Variants in MAGI1 observed in about 807,000 individuals in gnomAD.
MAGI1 encodes membrane associated guanylate kinase, WW and PDZ domain containing 1.
A neutral mutation model predicts 139.9 loss-of-function variants in MAGI1; 58 were observed. That is an observed-to-expected ratio of 0.41 (90% CI 0.34 to 0.52). The LOEUF is 0.52. MAGI1 is among the 20% of genes least tolerant of loss of function. The pLI is 0.12. For synonymous variants in MAGI1, 812 were observed against 737.9 expected, an observed-to-expected ratio of 1.10 and a Z score of -1.63; for missense variants, 1,874 against 1,901.6, an observed-to-expected ratio of 0.99 and a Z score of 0.27.
chr3:65,435,164 A>C (rs1330186451), intron 10 of MAGI1, among the ~76,000 whole-genome samples: 1 of 152,152 alleles, frequency 6.6e-6, no homozygotes, highest in East Asian at 1.9e-4. Flanking sequence ...AGTCTATGGC[A>C]ACTTGTTATA....
At chr3:65,682,520 A>T (rs1402749944) in intron 1 of MAGI1, among the ~76,000 whole-genome samples, 1 of 152,220 alleles carries the variant, frequency 6.6e-6, no homozygotes, top group Non-Finnish European at 1.5e-5. Context: ...CAGGCCAAGA[A>T]AGGAGCATTG....
chr3:65,913,467 C>G (rs1306017888), intron 1 of MAGI1, among the ~76,000 whole-genome samples: 1 of 152,056 alleles, frequency 6.6e-6, no homozygotes, highest in East Asian at 1.9e-4. Context: ...GGAGAGGCAA[C>G]CCCAAAGTAT....
intron 1 of MAGI1, among the ~76,000 whole-genome samples, chr3:65,953,833 G>C (rs1423207690): frequency 6.6e-6 from 1 of 152,172 alleles, no homozygotes; most frequent in Non-Finnish European, 1.5e-5. Context: ...CATTTATCTA[G>C]AAAGGCAATG....
At chr3:65,653,793 ACTCT>A (rs1357130996) in intron 1 of MAGI1, among the ~76,000 whole-genome samples, 1 of 151,878 alleles carries the variant, frequency 6.6e-6, no homozygotes, top group African/African-American at 2.4e-5. Flanking sequence ...ACAAAATTTC[ACTCT>A]CTCTTTCTTT....
intron 1 of MAGI1, among the ~76,000 whole-genome samples, chr3:66,010,795 C>T (rs1211491879): frequency 6.6e-6 from 1 of 152,166 alleles, no homozygotes; most frequent in African/African-American, 2.4e-5. Flanking sequence ...CACTCACTAC[C>T]AACTTGGTGT....
chr3:65,905,806 A>T (rs1360536942), intron 1 of MAGI1, among the ~76,000 whole-genome samples: 1 of 152,166 alleles, frequency 6.6e-6, no homozygotes, highest in African/African-American at 2.4e-5. Flanking sequence ...TGAGGACTGC[A>T]CTCTACTCAA....
intron 2 of MAGI1, among the ~76,000 whole-genome samples, chr3:65,567,486 T>C (rs566354871): frequency 1.2e-4 from 18 of 152,278 alleles, no homozygotes; most frequent in Admixed American, 4.6e-4. Context: ...AAAGCATTGA[T>C]GGAAAGCCCT....
intron 1 of MAGI1, among the ~76,000 whole-genome samples, chr3:66,007,620 T>C (rs748244459): frequency 6.6e-6 from 1 of 152,246 alleles, no homozygotes; most frequent in South Asian, 2.1e-4. Flanking sequence ...TCAGTAGGTC[T>C]GTTGCTGATG....
At chr3:65,868,089 C>T (rs1185015662) in intron 1 of MAGI1, among the ~76,000 whole-genome samples, 2 of 152,164 alleles carry the variant, frequency 1.3e-5, no homozygotes, top group Non-Finnish European at 2.9e-5. Context: ...GGCCCTGTTT[C>T]AGGTAGAGAA....
At chr3:65,423,211 C>T (rs1946757352) in intron 12 of MAGI1, among the ~76,000 whole-genome samples, 1 of 152,156 alleles carries the variant, frequency 6.6e-6, no homozygotes, top group African/African-American at 2.4e-5. Context: ...GACATTGTGG[C>T]AGTCAAGCAC....
At chr3:65,682,290 G>A (rs955195465) in intron 1 of MAGI1, among the ~76,000 whole-genome samples, 1 of 152,126 alleles carries the variant, frequency 6.6e-6, no homozygotes, top group African/African-American at 2.4e-5. Context: ...AAGGAAGTGG[G>A]AGGAATCACT....
At position 65,420,381 on chromosome 3, in the gene MAGI1, GC is replaced by G. The variant is rs754502104; in HGVS notation, c.2167+9138del. 1.4e-3 allele frequency among the ~76,000 whole-genome samples: 220 copies of G among 152,056 alleles called. 1 individual carries two copies. The highest frequency in any genetic ancestry group is 6.0e-4 in the Non-Finnish European group (41 of 67,990). ...CAAGTTTCACCTCTAATCTACAAGA[GC>G]CCCCTCACTGCCAGGCCTGCCACAC... On this transcript the variant is annotated intron_variant, in intron 12 of 22. Transcript: ENST00000402939.
rs150738390 is a variant in MAGI1 at position 65,553,363 on chromosome 3, G to A, written c.431-59732C>T. Among the ~76,000 whole-genome samples, 658 of 151,954 alleles carry A rather than the reference G, an allele frequency of 4.3e-3. 7 individuals are homozygous for A. The highest frequency in any genetic ancestry group is 0.015 in the African/African-American group (613 of 41,442). On this transcript the variant is annotated intron_variant, in intron 2 of 22. Transcript: ENST00000402939. ...GGTCATGTTCATTTATTTTTTAAGT[G>A]TAAACAGTATTGCCCTAACATTAAA... is the stretch of plus-strand genomic sequence containing the variant.
At chr3:65,772,577 T>C (rs1388821208) in intron 1 of MAGI1, among the ~76,000 whole-genome samples, 1 of 152,144 alleles carries the variant, frequency 6.6e-6, no homozygotes, top group African/African-American at 2.4e-5. Flanking sequence ...AAGAAGGAAG[T>C]AGGCCAGGAG....
At chr3:66,025,434 G>T (rs2068200480) in intron 1 of MAGI1, among the ~76,000 whole-genome samples, 1 of 152,190 alleles carries the variant, frequency 6.6e-6, no homozygotes, top group Non-Finnish European at 1.5e-5. Flanking sequence ...CAGCTAGTCA[G>T]TAGGCTGGGA....
chr3:65,659,200 C>G (rs1339069970), intron 1 of MAGI1, among the ~76,000 whole-genome samples: 1 of 151,922 alleles, frequency 6.6e-6, no homozygotes, highest in East Asian at 1.9e-4. Context: ...ACTTCCAGTT[C>G]TGTTTCTGGA....
At chr3:65,566,517 T>G (rs773524128) in intron 2 of MAGI1, among the ~76,000 whole-genome samples, 1 of 151,898 alleles carries the variant, frequency 6.6e-6, no homozygotes, top group Non-Finnish European at 1.5e-5. Flanking sequence ...AGCATATACC[T>G]CCCACTAATA....
At chr3:65,784,367 T>A (rs556491963) in intron 1 of MAGI1, among the ~76,000 whole-genome samples, 6 of 152,110 alleles carry the variant, frequency 3.9e-5, no homozygotes, top group African/African-American at 1.4e-4. Context: ...GTATTACTCA[T>A]AAGAGGTCAA....
intron 2 of MAGI1, chr3:65,619,929 A>G (rs80250807): frequency 0.022 from 21,306 of 985,296 alleles, 325 homozygotes; most frequent in African/African-American, 0.071. Flanking sequence ...TAAAACATCA[A>G]TGCCAAGGGG....
Sources: allele counts gnomAD v4.1 joint callset (sites outside exome capture counted in the v4.1 genomes callset), GRCh38; gene constraint gnomAD v4.1.1; transcripts MANE v1.5; gene names NCBI Gene and HGNC (gene_info 2026-07-23, HGNC 2026-07-21).